The following MMP26 variants were observed in gnomAD, a reference collection of about 807,000 sequenced individuals.
The protein encoded by MMP26 is matrix metallopeptidase 26, also known as matrix metalloproteinase-26.
Under a neutral mutation model 31.0 loss-of-function variants are expected in MMP26, and 33 were observed. That is an observed-to-expected ratio of 1.06 (90% confidence interval 0.81 to 1.42). The LOEUF is 1.42. Among genes scored for constraint, MMP26 ranks in the 40% most tolerant of loss-of-function variants. The probability of loss-of-function intolerance (pLI) is 0.00; values close to 1 mark genes in which losing one functional copy is unlikely to be tolerated. For synonymous variants in MMP26, 122 were observed against 114.9 expected (o/e 1.06, Z -0.40); for missense variants, 347 against 316.1 (o/e 1.10, Z -0.74).
intron 2 of MMP26, among the ~76,000 whole-genome samples, chr11:4,986,288 A>G (rs1393358463): frequency 6.6e-6 from 1 of 152,030 alleles, no homozygotes; most frequent in African/African-American, 2.4e-5. Context: ...TAAGCCCTCA[A>G]TAATTGTGTA....
chr11:4,884,613 T>C (rs1047445784), intron 2 of MMP26, among the ~76,000 whole-genome samples: 3 of 152,122 alleles, frequency 2.0e-5, no homozygotes, highest in Non-Finnish European at 4.4e-5. Flanking sequence ...CACACACTAA[T>C]CTAACCATCC....
chr11:4,877,921 C>T (rs937570185), intron 2 of MMP26: 2 of 152,030 alleles, frequency 1.3e-5, no homozygotes, highest in African/African-American at 4.8e-5. Context: ...TTTGGTATAT[C>T]GTTTTACAAG....
chr11:4,893,712 G>T (rs1376157201), intron 2 of MMP26, among the ~76,000 whole-genome samples: 4 of 152,050 alleles, frequency 2.6e-5, no homozygotes, highest in African/African-American at 4.8e-5. Flanking sequence ...AGTTAAAAAA[G>T]AATGACTAAA....
chr11:4,833,228 T>C (rs1372119243), intron 2 of MMP26, among the ~76,000 whole-genome samples: 1 of 152,208 alleles, frequency 6.6e-6, no homozygotes, highest in African/African-American at 2.4e-5. Context: ...AAGGAGCATC[T>C]AATATACCAC....
chr11:4,771,154 A>G (rs4462336), intron 2 of MMP26, among the ~76,000 whole-genome samples: 12 of 151,960 alleles, frequency 7.9e-5, no homozygotes, highest in Non-Finnish European at 1.5e-4. Flanking sequence ...AATTCGAGAA[A>G]TTGATATGTT....
chr11:4,737,641 C>T (rs1848258832), intron 1 of MMP26, among the ~76,000 whole-genome samples: 1 of 150,610 alleles, frequency 6.6e-6, no homozygotes, highest in African/African-American at 2.5e-5. Context: ...GAAACTCTGT[C>T]TGAAACAAAA....
At chr11:4,810,689 A>T (rs1849338280) in intron 2 of MMP26, among the ~76,000 whole-genome samples, 1 of 152,204 alleles carries the variant, frequency 6.6e-6, no homozygotes, top group African/African-American at 2.4e-5. Flanking sequence ...GATTATCCAG[A>T]TAGGTGAAAA....
At chr11:4,981,339 G>A (rs74054427) in intron 2 of MMP26, among the ~76,000 whole-genome samples, 7,557 of 152,130 alleles carry the variant, frequency 0.05, 633 homozygotes, top group African/African-American at 0.17. Context: ...TACACAAACC[G>A]AGATGGCATA....
intron 2 of MMP26, among the ~76,000 whole-genome samples, chr11:4,929,587 CTGTT>C (rs1427969359): frequency 5.9e-5 from 9 of 152,068 alleles, no homozygotes; most frequent in Non-Finnish European, 5.9e-5. Context: ...GGTTGAATAA[CTGTT>C]CATTCAAATT....
intron 1 of MMP26, among the ~76,000 whole-genome samples, chr11:4,717,800 C>T (rs1253110928): frequency 2.0e-5 from 3 of 152,154 alleles, no homozygotes; most frequent in African/African-American, 7.2e-5. Context: ...AGTAACTCAT[C>T]ATGTGGTAAC....
intron 2 of MMP26, among the ~76,000 whole-genome samples, chr11:4,834,582 G>C (rs1446298723): frequency 6.6e-6 from 1 of 152,158 alleles, no homozygotes; most frequent in East Asian, 1.9e-4. Flanking sequence ...AACCCCATCA[G>C]GGTTACGTGT....
intron 2 of MMP26, among the ~76,000 whole-genome samples, chr11:4,854,849 C>T (rs1850026779): frequency 6.6e-6 from 1 of 152,146 alleles, no homozygotes; most frequent in African/African-American, 2.4e-5. Flanking sequence ...AGCTGGTTGC[C>T]CCTCTGAGAC....
chr11:4,875,794 T>C (rs1850370971), intron 2 of MMP26: 2 of 152,152 alleles, frequency 1.3e-5, no homozygotes, highest in African/African-American at 4.8e-5. Context: ...TTTTCAAAGA[T>C]ACGGATGAGG....
rs572310621 is a variant in MMP26, at chr11:4,977,154, T to C, written c.-144-10914T>C. 2.0e-5 allele frequency among the ~76,000 whole-genome samples: 3 copies of C among 151,532 alleles called. No homozygotes were observed. The Middle Eastern group carries it at 0.01, about 515-fold the overall frequency. On this transcript the variant is annotated intron_variant, in intron 2 of 7. Transcript: ENST00000380390. ...TGCTCTTGTGTTACTCATATTTGTC[T>C]TTGATAATGATGTTGTTGCACGTTG...
At chr11:4,986,936 T>TCTCTCTCTCTCTCTCTCCCC in intron 2 of MMP26, among the ~76,000 whole-genome samples, 1 of 113,134 alleles carries the variant, frequency 8.8e-6, no homozygotes, top group African/African-American at 4.6e-5. Context: ...TCTCTCCCTC[T>TCTCTCTCTCTCTCTCTCCCC]CTCTCTCTCT....
At chr11:4,789,887 A>T (rs1849000536) in intron 2 of MMP26, among the ~76,000 whole-genome samples, 1 of 152,098 alleles carries the variant, frequency 6.6e-6, no homozygotes, top group African/African-American at 2.4e-5. Flanking sequence ...TGGTTCAATA[A>T]AATATTTATG....
At chr11:4,882,432 A>T (rs762533664) in intron 2 of MMP26, 1 of 1,611,802 alleles carries the variant, frequency 6.2e-7, no homozygotes, top group African/African-American at 1.3e-5. Flanking sequence ...GAGCTTTCCC[A>T]TCCATTTTGC....
chr11:4,935,146 A>C (rs1473370537), intron 2 of MMP26, among the ~76,000 whole-genome samples: 7 of 151,764 alleles, frequency 4.6e-5, no homozygotes, highest in Non-Finnish European at 1.5e-5. Context: ...GATGGCATTG[A>C]ATCTGTAAAC....
chr11:4,965,683 T>C (rs1348965048), intron 2 of MMP26, among the ~76,000 whole-genome samples: 3 of 152,298 alleles, frequency 2.0e-5, no homozygotes, highest in East Asian at 3.9e-4. Flanking sequence ...TCCAAACAGA[T>C]GGGGAATTTG....
Sources: allele counts gnomAD v4.1 joint callset (sites outside exome capture counted in the v4.1 genomes callset), GRCh38; gene constraint gnomAD v4.1.1; transcripts MANE v1.5; gene names NCBI Gene and HGNC (gene_info 2026-07-23, HGNC 2026-07-21).